The following IL17F variants were observed in gnomAD, a reference collection of about 807,000 sequenced individuals.
IL17F encodes interleukin-17F.
IL17F carries 6 observed loss-of-function variants against 8.3 expected under a neutral mutation model. That is an observed-to-expected ratio of 0.73 (90% CI 0.40 to 1.43). The LOEUF (loss-of-function observed/expected upper bound fraction) is 1.43, where lower values mean the gene tolerates loss of function less well. Ranked by LOEUF, IL17F falls within the 40% of genes most tolerant of loss-of-function variation. IL17F has a pLI of 0.02. For missense variants in IL17F, 204 were observed against 209.6 expected (o/e 0.97, Z 0.17); for synonymous variants, 98 against 81.6 (o/e 1.20, Z -1.08).
rs1257758729 is a variant in IL17F at position 52,236,928 on chromosome 6, C to G, written c.*3G>C. Reference sequence around the variant, plus strand: ...CTTCTTCAGCTGAGTGGATATGCACCTCTTACTGCACATGGTGGATGACAG... The same window carrying G: ...CTTCTTCAGCTGAGTGGATATGCACGTCTTACTGCACATGGTGGATGACAG... On this transcript the variant is annotated 3_prime_UTR_variant, in exon 3 of 3. Coordinates refer to ENST00000336123, the MANE Select transcript of IL17F (RefSeq NM_052872.4). 1 of 1,610,246 alleles carries G rather than the reference C, an allele frequency of 6.2e-7. No individual in the cohort carries two copies.
At chr6:52,238,172 A>T (rs1237026121) in intron 2 of IL17F, among the ~76,000 whole-genome samples, 2 of 152,234 alleles carry the variant, frequency 1.3e-5, no homozygotes, top group Non-Finnish European at 2.9e-5. Flanking sequence ...AAGCACTTCA[A>T]TTGTCCCTGG....
upstream of IL17F, among the ~76,000 whole-genome samples, chr6:52,245,550 A>G (rs1764145546): frequency 6.6e-6 from 1 of 152,234 alleles, no homozygotes; most frequent in Non-Finnish European, 1.5e-5. Context: ...AAAGGGTCAC[A>G]AGCACAGAAG....
chr6:52,244,606 AG>A (rs927150417), upstream of IL17F: 86 of 605,692 alleles, frequency 1.4e-4, no homozygotes, highest in East Asian at 1.7e-4. Context: ...TGACGAATGC[AG>A]GGGTTTTTTT....
At chr6:52,237,933 C>A (rs575955875) in intron 2 of IL17F, among the ~76,000 whole-genome samples, 2 of 152,126 alleles carry the variant, frequency 1.3e-5, no homozygotes, top group Non-Finnish European at 2.9e-5. Context: ...CCAGAAAATT[C>A]GCTTAAGAGC....
chr6:52,237,053 G>A lies in IL17F; in HGVS notation c.370C>T (p.Gln124Ter), dbSNP rs868780060. Residue 124 changes from glutamine (Q) to a stop codon, truncating the protein, a stop_gained, in exon 3 of 3, where the codon CAG (glutamine) becomes TAG (stop). Transcript: ENST00000336123. LOFTEE classifies it high-confidence loss of function. Reference sequence around the variant, plus strand: ...CTCCGGACGACCAGGGTCTCTTGCTGGATGGGAACGGAATTCATGGAGATG... The same window carrying A: ...CTCCGGACGACCAGGGTCTCTTGCTAGATGGGAACGGAATTCATGGAGATG... ...EDISMNSVPI[Q>*]QETLVVRRKH... 2 of 1,614,246 alleles carry A rather than the reference G, an allele frequency of 1.2e-6. No homozygotes were observed. The highest frequency in any genetic ancestry group is 1.7e-6 in the Non-Finnish European group (2 of 1,180,022).
In IL17F at chr6:52,236,801, T is replaced by C; in HGVS notation, c.*130A>G. ...ACATACATTGTGAATATTTTCTGTT[T>C]CCATCCGTGCAGGTCTTATTAAGAG... On this transcript the variant is annotated 3_prime_UTR_variant, in exon 3 of 3. Coordinates refer to ENST00000336123, the MANE Select transcript of IL17F (RefSeq NM_052872.4). 1 of 782,976 alleles carries C rather than the reference T, an allele frequency of 1.3e-6. No homozygotes were observed. The highest frequency in any genetic ancestry group is 2.3e-6 in the Non-Finnish European group (1 of 429,130). 48.5% of individuals were successfully genotyped at this position (782,976 alleles called of 1,614,324 possible). A position where few individuals can be genotyped will look rare whatever the true frequency, so the allele number is the denominator to read the frequency against.
intron 1 of IL17F, among the ~76,000 whole-genome samples, chr6:52,240,175 G>C (rs536300241): frequency 6.6e-6 from 1 of 152,106 alleles, no homozygotes; most frequent in East Asian, 1.9e-4. Context: ...AGTGGCTCAC[G>C]CCTGTAATCC....
At chr6:52,237,874 A>G (rs1763995457) in intron 2 of IL17F, among the ~76,000 whole-genome samples, 1 of 152,106 alleles carries the variant, frequency 6.6e-6, no homozygotes, top group South Asian at 2.1e-4. Context: ...AGTATCTGAG[A>G]ACCTACCAAG....
At chr6:52,239,051 A>T (rs1239690102) in intron 1 of IL17F, 101 bp from the exon 2 acceptor site, 3 of 1,039,982 alleles carry the variant, frequency 2.9e-6, no homozygotes, top group Non-Finnish European at 4.5e-6. Flanking sequence ...CTTTTATGGG[A>T]TCAGGGCTTC....
chr6:52,241,520 G>A (rs1469975095), intron 1 of IL17F, among the ~76,000 whole-genome samples: 1 of 152,104 alleles, frequency 6.6e-6, no homozygotes, highest in Admixed American at 6.5e-5. Context: ...CATACTCACT[G>A]AATCACTATT....
intron 1 of IL17F, among the ~76,000 whole-genome samples, chr6:52,242,886 C>A (rs1764097478): frequency 6.6e-6 from 1 of 152,170 alleles, no homozygotes; most frequent in African/African-American, 2.4e-5. Context: ...TAAGCATACA[C>A]AAATCTGCCA....
intron 1 of IL17F, among the ~76,000 whole-genome samples, chr6:52,244,186 C>T (rs965485692): frequency 1.3e-5 from 2 of 152,146 alleles, no homozygotes; most frequent in Admixed American, 6.5e-5. Context: ...TGAGCCACCA[C>T]GCCTGGCCAG....
chr6:52,244,589 G>T (rs1042905591), upstream of IL17F: 1 of 716,304 alleles, frequency 1.4e-6, no homozygotes, highest in Non-Finnish European at 2.5e-6. Flanking sequence ...GGTTGACCCG[G>T]AGTTACTGAC....
intron 2 of IL17F, among the ~76,000 whole-genome samples, chr6:52,237,812 G>A (rs1313842216): frequency 6.6e-6 from 1 of 151,996 alleles, no homozygotes; most frequent in Non-Finnish European, 1.5e-5. Context: ...GTGAGCCAAG[G>A]CCACCATGCA....
chr6:52,238,491 A>G (rs552083333), intron 2 of IL17F, among the ~76,000 whole-genome samples: 51 of 152,278 alleles, frequency 3.3e-4, no homozygotes, highest in Non-Finnish European at 7.1e-4. Flanking sequence ...AACTACATGA[A>G]GCAGAAAAAG....
intron 1 of IL17F, among the ~76,000 whole-genome samples, chr6:52,240,596 CA>C (rs1228074199): frequency 1.3e-5 from 2 of 151,744 alleles, no homozygotes; most frequent in African/African-American, 4.8e-5. Context: ...ATACTAGAGA[CA>C]AAAAACAATA....
chr6:52,238,676 A>G (rs1764011218), intron 2 of IL17F, 54 bp downstream of exon 2: 1 of 1,393,760 alleles, frequency 7.2e-7, no homozygotes, highest in Non-Finnish European at 1.0e-6. Context: ...TATGATTAGA[A>G]TGAATTAACA....
In IL17F at chr6:52,238,745, G is replaced by A; in HGVS notation, c.239C>T (p.Ser80Phe). 1 of 1,613,992 alleles carries A rather than the reference G, an allele frequency of 6.2e-7. No individual in the cohort carries two copies. Among genetic ancestry groups the A allele is most frequent in the Non-Finnish European group, 8.5e-7 (1 of 1,179,852 alleles). Residue 80 changes from serine (S) to phenylalanine (F), a missense_variant, in exon 2 of 3, where the codon TCC (serine) becomes TTC (phenylalanine). By Grantham distance (155) the Ser-to-Phe change is radical. Transcript: ENST00000336123. ...MSRNIESRST[S>F]PWNYTVTWDP... The stretch of plus-strand genomic sequence containing the variant: ...TTGCACTTACGTGTAATTCCAGGGG[G>A]AGGTGGAGCGGCTCTCGATGTTACG...
At chr6:52,243,049 A>T (rs559756503) in intron 1 of IL17F, among the ~76,000 whole-genome samples, 110 of 152,326 alleles carry the variant, frequency 7.2e-4, no homozygotes, top group South Asian at 4.1e-3. Context: ...TACATTTAGC[A>T]AGCAGTGGAG....
Sources: allele counts gnomAD v4.1 joint callset (sites outside exome capture counted in the v4.1 genomes callset), GRCh38; gene constraint gnomAD v4.1.1; transcripts MANE v1.5; gene names NCBI Gene and HGNC (gene_info 2026-07-23, HGNC 2026-07-21).